AGO1: variants seen among roughly 807,000 people sequenced by gnomAD.
The protein encoded by AGO1 is protein argonaute-1.
AGO1 carries 11 observed loss-of-function variants against 109.2 expected under a neutral mutation model. That is an observed-to-expected ratio of 0.10 (90% confidence interval 0.06 to 0.17). The LOEUF (loss-of-function observed/expected upper bound fraction) is 0.17, where lower values mean the gene tolerates loss of function less well. Among genes scored for constraint, AGO1 ranks in the 10% least tolerant of loss-of-function variants. The probability of loss-of-function intolerance (pLI) is 1.00; values close to 1 mark genes in which losing one functional copy is unlikely to be tolerated. For synonymous variants in AGO1, 422 were observed against 418.6 expected (o/e 1.01, Z -0.10); for missense variants, 574 against 1,140.3 (o/e 0.50, Z 7.15).
At position 35,925,362 on chromosome 1, in the gene AGO1, A is replaced by G. The variant is rs902042514; in HGVS notation, c.*5755A>G. On this transcript the variant is annotated 3_prime_UTR_variant, in exon 19 of 19. Transcript: ENST00000373204. ...TTCAAGTTCACCACAACTACCACCAATTAGGAGATAATTGTAAAAGAATAA... is the reference window on the plus strand; with the variant it reads ...TTCAAGTTCACCACAACTACCACCAGTTAGGAGATAATTGTAAAAGAATAA... 6.6e-5 allele frequency: 10 copies of G among 150,924 alleles called. No homozygotes were observed. The highest frequency in any genetic ancestry group is 2.0e-4 in the African/African-American group (8 of 40,948). 9.3% of individuals were successfully genotyped at this position (150,924 alleles called of 1,614,324 possible).
chr1:35,905,804 A>G (rs1195622665), intron 11 of AGO1, among the ~76,000 whole-genome samples: 1 of 152,132 alleles, frequency 6.6e-6, no homozygotes, highest in Non-Finnish European at 1.5e-5. Flanking sequence ...ACTGTTATGA[A>G]TTATTGTAAC....
At chr1:35,918,960 T>C in intron 17 of AGO1, 95 bp from the exon 18 acceptor site, 1 of 1,159,280 alleles carries the variant, frequency 8.6e-7, no homozygotes, top group Non-Finnish European at 1.3e-6. Flanking sequence ...GGGTGAATTA[T>C]CTACCCAGCC....
rs757924485 is a variant in AGO1, at chr1:35,915,498, A to G, written c.1984A>G (p.Ile662Val). The change falls in exon 15 of 19, where the codon ATC becomes GTC. Residue 662 changes from isoleucine to valine, a missense_variant. Coordinates refer to ENST00000373204, the MANE Select transcript of AGO1 (RefSeq NM_012199.5). ...GTCCACCCGTTTCAAGCCTACCCGC[A>G]TCATCTTCTACCGAGATGGGGTGCC... ...YKSTRFKPTR[I>V]IFYRDGVPEG... The G allele has an allele frequency of 2.5e-6, 4 of 1,614,178 alleles. No homozygotes were observed. The Admixed American group carries it at 5.0e-5, about 20-fold the overall frequency.
upstream of AGO1, among the ~76,000 whole-genome samples, chr1:35,878,385 C>T (rs566661806): frequency 6.6e-5 from 10 of 152,220 alleles, no homozygotes; most frequent in Non-Finnish European, 1.2e-4. Context: ...ACGCCCGGCT[C>T]CTTTTTAATT....
intron 2 of AGO1, among the ~76,000 whole-genome samples, chr1:35,890,856 A>G (rs2765012): frequency 0.23 from 35,569 of 152,072 alleles, 6,857 homozygotes; most frequent in East Asian, 0.69. Context: ...ATTTTAAATT[A>G]TATTTTTCTA....
chr1:35,919,451 C>T lies in AGO1; in HGVS notation c.2466-48C>T. ...CAGGGCTGGGCGAGGGAATTAGCAG[C>T]AGCTCTCAGTTCACCAGGAAGGACT... is the stretch of plus-strand genomic sequence containing the variant. On this transcript the variant is annotated intron_variant, in intron 18 of 18. Transcript: ENST00000373204. This position sits in a 1 kb window ranked among gnomAD's most constrained non-coding sequence, Gnocchi z 6.6. 1 of 1,551,546 alleles carries T rather than the reference C, an allele frequency of 6.4e-7. No individual in the cohort carries two copies. The highest frequency in any genetic ancestry group is 8.8e-7 in the Non-Finnish European group (1 of 1,137,900).
chr1:35,883,457 C>G lies in AGO1; in HGVS notation c.25+11C>G, dbSNP rs758143029. ...GACCCTCGGGAGCAGGTAAGGGTCC[C>G]CAGGAGGGGGAACGGTGCATGCTCC... On this transcript the variant is annotated intron_variant, in intron 1 of 18. Coordinates refer to ENST00000373204, the MANE Select transcript of AGO1 (RefSeq NM_012199.5). The surrounding 1 kb of genome is among the most constrained non-coding windows in gnomAD (Gnocchi z 5.4). 3 of 1,554,004 alleles carry G rather than the reference C, an allele frequency of 1.9e-6. No homozygotes were observed. The highest frequency in any genetic ancestry group is 1.2e-5 in the South Asian group (1 of 84,014).
intron 12 of AGO1, among the ~76,000 whole-genome samples, chr1:35,912,216 G>A (rs537390463): frequency 6.6e-6 from 1 of 151,972 alleles, no homozygotes; most frequent in South Asian, 2.1e-4. Flanking sequence ...AAAATTAACC[G>A]GACATGGTGG....
intron 1 of AGO1, among the ~76,000 whole-genome samples, chr1:35,870,786 G>A (rs1482046823): frequency 6.6e-6 from 1 of 152,030 alleles, no homozygotes; most frequent in Non-Finnish European, 1.5e-5. Flanking sequence ...CTTGACATTT[G>A]AGTTTACCCT....
At chr1:35,899,139 A>T (rs1019713676) in intron 8 of AGO1, among the ~76,000 whole-genome samples, 9 of 152,216 alleles carry the variant, frequency 5.9e-5, no homozygotes, top group Admixed American at 2.0e-4. Context: ...GTGGAATCAT[A>T]GTATTTGTCC....
Position 35,901,855 on chromosome 1 carries a change from A to C in AGO1, c.1141-93A>C. 1 of 1,500,358 alleles carries C rather than the reference A, an allele frequency of 6.7e-7. No individual in the cohort carries two copies. The allele number at this position is 1,500,358 out of a possible 1,614,324, so 92.9% of individuals were successfully genotyped here. A position where few individuals can be genotyped will look rare whatever the true frequency, so the allele number is the denominator to read the frequency against. On this transcript the variant is annotated intron_variant, in intron 9 of 18. Coordinates refer to ENST00000373204, the MANE Select transcript of AGO1 (RefSeq NM_012199.5). This position sits in a 1 kb window ranked among gnomAD's most constrained non-coding sequence, Gnocchi z 4.8. ...TTTAGGACTATTCCGTACCAACCCC[A>C]GCTTCTCCTTAGGGTTCTCTCCTTG...
upstream of AGO1, chr1:35,883,174 G>T: frequency 1.7e-6 from 2 of 1,151,426 alleles, no homozygotes; most frequent in South Asian, 4.3e-5. This position sits in a 1 kb window ranked among gnomAD's most constrained non-coding sequence, Gnocchi z 5.4. Flanking sequence ...GACTCGTTCC[G>T]GTCCGCCCCC....
At chr1:35,876,557 T>C (rs905101595) in intron 1 of AGO1, among the ~76,000 whole-genome samples, 8 of 152,190 alleles carry the variant, frequency 5.3e-5, no homozygotes, top group Non-Finnish European at 1.2e-4. Flanking sequence ...TGAGCCACTG[T>C]GCCCGGCTGG....
At chr1:35,903,546 T>C (rs1301486397) in intron 11 of AGO1, among the ~76,000 whole-genome samples, 1 of 152,110 alleles carries the variant, frequency 6.6e-6, no homozygotes, top group Non-Finnish European at 1.5e-5. Context: ...TCAGCTGACC[T>C]TGGAGTCATC....
chr1:35,917,645 A>C lies in AGO1; in HGVS notation c.2081A>C (p.Lys694Thr). The change falls in exon 16 of 19, where the codon AAG (lysine) becomes ACG (threonine). Residue 694 changes from lysine (K) to threonine (T), a missense_variant. Transcript: ENST00000373204. ...CGTGATGCCTGCATCAAACTGGAAA[A>C]GGACTACCAGCCTGGGATCACTTAT... Reference protein sequence around the residue: ...AIRDACIKLEKDYQPGITYIV... With the variant: ...AIRDACIKLETDYQPGITYIV... The C allele has an allele frequency of 3.7e-6, 6 of 1,613,730 alleles. No individual in the cohort carries two copies. Among genetic ancestry groups the C allele is most frequent in the Non-Finnish European group, 5.1e-6 (6 of 1,179,670 alleles).
intron 12 of AGO1, among the ~76,000 whole-genome samples, chr1:35,912,027 T>C (rs901419849): frequency 1.3e-5 from 2 of 152,188 alleles, no homozygotes; most frequent in African/African-American, 4.8e-5. Flanking sequence ...TAGGTTGTCT[T>C]CTCTTTTTAC....
intron 8 of AGO1, among the ~76,000 whole-genome samples, chr1:35,899,253 G>T (rs925535376): frequency 1.3e-5 from 2 of 152,200 alleles, no homozygotes; most frequent in Non-Finnish European, 2.9e-5. Context: ...ATAGTCCGTT[G>T]TATGTATATA....
chr1:35,892,830 A>C (rs1645246448), intron 3 of AGO1, among the ~76,000 whole-genome samples, 153 bp downstream of exon 3: 1 of 152,190 alleles, frequency 6.6e-6, no homozygotes, highest in Admixed American at 6.5e-5. Flanking sequence ...ATGTTTATTT[A>C]GTCTATCATG....
chr1:35,894,019 T>C lies in AGO1; in HGVS notation c.650-18T>C. ...AAGACAGAACCTGAGCTGAGCTATC[T>C]TTACCCTGTCCCCACAGTCTCAGCC... On this transcript the variant is annotated intron_variant, in intron 5 of 18. Transcript: ENST00000373204. The C allele has an allele frequency of 2.0e-6, 3 of 1,536,082 alleles. No individual in the cohort carries two copies. The South Asian group carries it at 3.8e-5, about 20-fold the overall frequency.
Sources: gnomAD v4.1 joint callset for allele counts (sites outside exome capture counted in the v4.1 genomes callset) on GRCh38, gnomAD v4.1.1 for gene constraint, Gnocchi (gnomAD v3.1) non-coding constraint, MANE v1.5 for transcripts, NCBI Gene and HGNC (gene_info 2026-07-23, HGNC 2026-07-21) for gene names.